The following OR1B1 variants were observed in gnomAD, a reference collection of about 807,000 sequenced individuals.
OR1B1 encodes olfactory receptor 1B1.
For missense variants in OR1B1, 414 were observed against 402.1 expected, an observed-to-expected ratio of 1.03 and a Z score of -0.25; for synonymous variants, 168 against 156.2, an observed-to-expected ratio of 1.08 and a Z score of -0.57.
At chr9:122,653,907 T>C in the OR1B1 span, among the ~76,000 whole-genome samples, 1 of 152,204 alleles carries the variant, frequency 6.6e-6, no homozygotes, top group Non-Finnish European at 1.5e-5. Flanking sequence ...GTTTATAATT[T>C]AGTTTCCATC....
chr9:122,642,001 A>G, the OR1B1 span, among the ~76,000 whole-genome samples: 1 of 152,178 alleles, frequency 6.6e-6, no homozygotes, highest in African/African-American at 2.4e-5. Flanking sequence ...TTTTCAGGAA[A>G]AGAAGAAGGG....
At chr9:122,652,383 T>C in the OR1B1 span, among the ~76,000 whole-genome samples, 3 of 152,168 alleles carry the variant, frequency 2.0e-5, no homozygotes, top group Non-Finnish European at 4.4e-5. Flanking sequence ...TTGTTAAAGA[T>C]TTGTGTGCAT....
At chr9:122,636,023 C>T in the OR1B1 span, among the ~76,000 whole-genome samples, 2 of 152,216 alleles carry the variant, frequency 1.3e-5, no homozygotes, top group African/African-American at 2.4e-5. Flanking sequence ...AGCATTTTTA[C>T]GGATACTGTT....
the OR1B1 span, among the ~76,000 whole-genome samples, chr9:122,638,949 C>G: frequency 6.6e-6 from 1 of 152,132 alleles, no homozygotes; most frequent in Non-Finnish European, 1.5e-5. Context: ...GCCTCAGAAG[C>G]CCAAAATTTA....
chr9:122,643,426 C>T, the OR1B1 span, among the ~76,000 whole-genome samples: 4 of 152,210 alleles, frequency 2.6e-5, no homozygotes, highest in Admixed American at 1.3e-4. Context: ...GACCAGCACT[C>T]GCTGGAGGGG....
the OR1B1 span, among the ~76,000 whole-genome samples, chr9:122,638,026 G>A: frequency 6.6e-6 from 1 of 152,266 alleles, no homozygotes. Flanking sequence ...TGCATGGAGT[G>A]TAAAACTCCA....
chr9:122,647,192 G>A, the OR1B1 span, among the ~76,000 whole-genome samples: 1 of 152,078 alleles, frequency 6.6e-6, no homozygotes, highest in East Asian at 1.9e-4. Context: ...CCATATGTTA[G>A]GTTGCAAAAC....
rs138208720 is a variant in OR1B1 at position 122,629,435 on chromosome 9, A to C, written c.101T>G (p.Leu34Arg). 3.0e-5 allele frequency: 48 copies of C among 1,613,962 alleles called. No individual in the cohort carries two copies. The highest frequency in any genetic ancestry group is 3.6e-5 in the Non-Finnish European group (43 of 1,179,982). ...CAGTATGGTGGTCAGGTAAATAGCC[A>C]GGAACAGGAAGAAGAGGAGAGTGTA... Residue 34 changes from leucine (L) to arginine (R), a missense_variant, in exon 1 of 1, where the codon CTG becomes CGG. By Grantham distance (102) the Leu-to-Arg change is moderately radical. Coordinates refer to ENST00000623530, the Ensembl canonical transcript of OR1B1.
chr9:122,655,777 G>A, the OR1B1 span, among the ~76,000 whole-genome samples: 2 of 151,338 alleles, frequency 1.3e-5, no homozygotes, highest in African/African-American at 2.4e-5. Flanking sequence ...GCAAACCACC[G>A]TGGCGCACCT....
chr9:122,629,420 G>A lies in OR1B1; in HGVS notation c.116C>T (p.Thr39Ile), dbSNP rs1415365590. Residue 39 changes from threonine to isoleucine, a missense_variant, in exon 1 of 1, where the codon ACC (threonine) becomes ATC (isoleucine). By Grantham distance (89) the Thr-to-Ile change is moderately conservative. Transcript: ENST00000623530. Reference sequence around the variant, plus strand: ...CAGTGTCACATTCCCCAGTATGGTGGTCAGGTAAATAGCCAGGAACAGGAA... The same window carrying A: ...CAGTGTCACATTCCCCAGTATGGTGATCAGGTAAATAGCCAGGAACAGGAA... 2.5e-6 allele frequency: 4 copies of A among 1,613,830 alleles called. No individual in the cohort carries two copies. In the Admixed American group the frequency reaches 5.0e-5, roughly 20 times the overall value.
chr9:122,631,239 C>T (rs984549775), upstream of OR1B1, among the ~76,000 whole-genome samples: 3 of 151,358 alleles, frequency 2.0e-5, no homozygotes, highest in Non-Finnish European at 2.9e-5. Flanking sequence ...TGCAGTGGCA[C>T]GATCTCGGCT....
At chr9:122,646,953 G>A in the OR1B1 span, among the ~76,000 whole-genome samples, 5 of 152,086 alleles carry the variant, frequency 3.3e-5, no homozygotes, top group African/African-American at 7.2e-5. Context: ...GTTTTTATTC[G>A]TTTTCTTTTT....
chr9:122,636,957 A>C, the OR1B1 span: 3 of 152,260 alleles, frequency 2.0e-5, no homozygotes, highest in Non-Finnish European at 4.4e-5. Context: ...TTGGAAGAAA[A>C]TGAACTTTGC....
chr9:122,629,166 G>A (rs140036779), exon 1 of OR1B1: 331 of 1,613,946 alleles, frequency 2.1e-4, no homozygotes, highest in Middle Eastern at 4.9e-4. Flanking sequence ...GCCACATAGC[G>A]ATCCAGAGCC....
At chr9:122,635,747 T>C in the OR1B1 span, among the ~76,000 whole-genome samples, 1 of 152,164 alleles carries the variant, frequency 6.6e-6, no homozygotes, top group African/African-American at 2.4e-5. Context: ...ATGAAGGAAA[T>C]GAATCCTCAG....
At chr9:122,629,729 T>C (rs1242865052), upstream of OR1B1, among the ~76,000 whole-genome samples, 2 of 152,208 alleles carry the variant, frequency 1.3e-5, no homozygotes, top group African/African-American at 4.8e-5. Context: ...ATTTATTTTC[T>C]CCTTTATTTC....
At chr9:122,644,353 C>T in the OR1B1 span, among the ~76,000 whole-genome samples, 1 of 152,180 alleles carries the variant, frequency 6.6e-6, no homozygotes, top group Non-Finnish European at 1.5e-5. Context: ...TAGTGGTGGC[C>T]ACAGGAAGAA....
chr9:122,653,712 C>T, the OR1B1 span, among the ~76,000 whole-genome samples: 1 of 152,042 alleles, frequency 6.6e-6, no homozygotes, highest in Non-Finnish European at 1.5e-5. Flanking sequence ...ACAATATTTC[C>T]CTTGGTAATA....
chr9:122,642,254 G>C, the OR1B1 span, among the ~76,000 whole-genome samples: 1 of 152,200 alleles, frequency 6.6e-6, no homozygotes, highest in South Asian at 2.1e-4. Flanking sequence ...GATCCAGAGT[G>C]AGAGACAGGT....
Sources: gnomAD v4.1 joint callset for allele counts (sites outside exome capture counted in the v4.1 genomes callset) on GRCh38, gnomAD v4.1.1 for gene constraint, MANE v1.5 for transcripts, NCBI Gene and HGNC (gene_info 2026-07-23, HGNC 2026-07-21) for gene names.